The following NOX4 variants were observed in gnomAD, a reference collection of about 807,000 sequenced individuals.
The protein encoded by NOX4 is NADPH oxidase 4.
NOX4 carries 69 observed loss-of-function variants against 87.6 expected under a neutral mutation model. That is an observed-to-expected ratio of 0.79 (90% confidence interval 0.65 to 0.96). The LOEUF (loss-of-function observed/expected upper bound fraction) is 0.96, where lower values mean the gene tolerates loss of function less well. NOX4 is among the 40% of genes least tolerant of loss of function. The pLI, the probability that NOX4 is intolerant of heterozygous loss-of-function variation, is 0.00. For synonymous variants in NOX4, 275 were observed against 238.2 expected (o/e 1.15, Z -1.42); for missense variants, 680 against 681.5 (o/e 1.00, Z 0.02).
At chr11:89,538,601 T>C in the NOX4 span, among the ~76,000 whole-genome samples, 2 of 152,222 alleles carry the variant, frequency 1.3e-5, no homozygotes, top group Non-Finnish European at 2.9e-5. Context: ...TAGAAAAGGA[T>C]GCTTCACAGA....
intron 1 of NOX4, 27 bp downstream of exon 1, chr11:89,491,163 C>G (rs1400653609): frequency 6.2e-7 from 1 of 1,609,822 alleles, no homozygotes; most frequent in Admixed American, 1.7e-5. Context: ...AGAGAGAACG[C>G]AAGGAGAGCC....
intron 8 of NOX4, among the ~76,000 whole-genome samples, chr11:89,405,115 T>TGTGTGTGTGTG (rs58137988): frequency 2.1e-4 from 32 of 150,004 alleles, no homozygotes; most frequent in South Asian, 4.2e-4. Flanking sequence ...TGTGTGTGTG[T>TGTGTGTGTGTG]TGGAATGGGG....
chr11:89,510,273 C>A, the NOX4 span, among the ~76,000 whole-genome samples: 1 of 152,038 alleles, frequency 6.6e-6, no homozygotes, highest in African/African-American at 2.4e-5. Flanking sequence ...ATAAATCATG[C>A]AGAGCAAAGA....
the NOX4 span, among the ~76,000 whole-genome samples, chr11:89,542,719 T>C: frequency 6.6e-6 from 1 of 152,182 alleles, no homozygotes; most frequent in Non-Finnish European, 1.5e-5. Flanking sequence ...CCTTGCTCCA[T>C]GCAATGAGCA....
intron 2 of NOX4, among the ~76,000 whole-genome samples, chr11:89,469,843 A>G (rs1945852880): frequency 6.6e-6 from 1 of 152,126 alleles, no homozygotes; most frequent in South Asian, 2.1e-4. Flanking sequence ...ATTGGACTGT[A>G]CATAGTTATT....
the NOX4 span, among the ~76,000 whole-genome samples, chr11:89,562,571 C>T: frequency 2.6e-5 from 4 of 152,092 alleles, no homozygotes; most frequent in African/African-American, 9.7e-5. Flanking sequence ...TAAATCAAAA[C>T]TTGGTCTTTA....
chr11:89,475,474 G>A (rs1946128070), intron 2 of NOX4, among the ~76,000 whole-genome samples: 1 of 151,970 alleles, frequency 6.6e-6, no homozygotes, highest in African/African-American at 2.4e-5. Flanking sequence ...TATGCATTAT[G>A]TTCATACTGG....
At chr11:89,525,070 T>A in the NOX4 span, among the ~76,000 whole-genome samples, 1,331 of 152,188 alleles carry the variant, frequency 8.7e-3, 22 homozygotes, top group African/African-American at 0.03. Context: ...ATGAATATAA[T>A]GCATGATTAA....
chr11:89,525,520 TC>T, the NOX4 span, among the ~76,000 whole-genome samples: 1 of 152,120 alleles, frequency 6.6e-6, no homozygotes, highest in African/African-American at 2.4e-5. Flanking sequence ...TGGTTTATTT[TC>T]TTTTATAATG....
rs547241466 is a variant in NOX4, at chr11:89,422,499, G to A, written c.549-517C>T. ...CCTCAATGTTATTGCTCTGGGGGAG[G>A]ACAAAGACACTGAAAAGACAGAGAA... On this transcript the variant is annotated intron_variant, in intron 7 of 17. Transcript: ENST00000263317. Among the ~76,000 whole-genome samples the A allele has an allele frequency of 2.6e-5, 4 of 152,192 alleles. No individual in the cohort carries two copies. In the East Asian group the frequency reaches 7.7e-4, roughly 29 times the overall value.
chr11:89,459,396 A>T (rs1945349523), intron 2 of NOX4, among the ~76,000 whole-genome samples: 1 of 152,052 alleles, frequency 6.6e-6, no homozygotes, highest in South Asian at 2.1e-4. Context: ...TCCCCATGAA[A>T]CACAATTTAT....
intron 11 of NOX4, among the ~76,000 whole-genome samples, chr11:89,389,653 A>G (rs537150174): frequency 2.3e-4 from 35 of 152,260 alleles, no homozygotes; most frequent in African/African-American, 7.9e-4. Context: ...CGAAATGGTA[A>G]TTTTACTTAT....
In NOX4 at chr11:89,411,001, G is replaced by T. The variant is rs533858455; in HGVS notation, c.630-8459C>A. On this transcript the variant is annotated intron_variant, in intron 8 of 17. Coordinates refer to ENST00000263317, the MANE Select transcript of NOX4 (RefSeq NM_016931.5). ...TGAAGAGAGGAGAGGGATGAATAAA[G>T]AGGACTTTGTCCTGCCTCTGGGATG... Among the ~76,000 whole-genome samples the T allele has an allele frequency of 3.3e-5, 5 of 152,192 alleles. No individual in the cohort carries two copies. In the East Asian group the frequency reaches 9.8e-4, roughly 30 times the overall value.
At chr11:89,545,046 T>A in the NOX4 span, 2 of 152,116 alleles carry the variant, frequency 1.3e-5, no homozygotes, top group Non-Finnish European at 2.9e-5. Flanking sequence ...TTAGATTAGC[T>A]AGTAATTTGT....
At chr11:89,475,536 G>A (rs150429183) in intron 2 of NOX4, among the ~76,000 whole-genome samples, 1 of 152,102 alleles carries the variant, frequency 6.6e-6, no homozygotes, top group East Asian at 1.9e-4. Flanking sequence ...TAATGGCTTA[G>A]GATGGAATCT....
the NOX4 span, among the ~76,000 whole-genome samples, chr11:89,514,419 T>C: frequency 6.6e-6 from 1 of 152,026 alleles, no homozygotes; most frequent in South Asian, 2.1e-4. Context: ...ATTTTCAATA[T>C]ATGTAATCAA....
At chr11:89,436,023 A>G (rs1268206876) in intron 6 of NOX4, among the ~76,000 whole-genome samples, 1 of 152,192 alleles carries the variant, frequency 6.6e-6, no homozygotes, top group Admixed American at 6.6e-5. Context: ...AGTCAGGGGT[A>G]ACTGTTATCT....
At chr11:89,333,714 T>C (rs759364199) in intron 17 of NOX4, among the ~76,000 whole-genome samples, 2 of 151,792 alleles carry the variant, frequency 1.3e-5, no homozygotes, top group South Asian at 4.1e-4. Context: ...AAATGCTACA[T>C]TGTAAATGAA....
the NOX4 span, among the ~76,000 whole-genome samples, chr11:89,535,484 T>C: frequency 0.12 from 18,614 of 152,190 alleles, 1,449 homozygotes; most frequent in Admixed American, 0.24. Flanking sequence ...TCTACCTCCC[T>C]CAAAAAATAA....
Sources: gnomAD v4.1 joint callset for allele counts (sites outside exome capture counted in the v4.1 genomes callset) on GRCh38, gnomAD v4.1.1 for gene constraint, MANE v1.5 for transcripts, NCBI Gene and HGNC (gene_info 2026-07-23, HGNC 2026-07-21) for gene names.